NUP133: variants seen among roughly 807,000 people sequenced by gnomAD.
NUP133 encodes nucleoporin 133.
A neutral mutation model predicts 146.2 loss-of-function variants in NUP133; 66 were observed. That is an observed-to-expected ratio of 0.45 (90% CI 0.37 to 0.55). The LOEUF is 0.55. NUP133 is among the 20% of genes least tolerant of loss of function. The pLI is 0.00. For missense variants in NUP133, 1,277 were observed against 1,374.8 expected (o/e 0.93, Z 1.12); for synonymous variants, 521 against 498.8 (o/e 1.04, Z -0.59).
At chr1:229,481,840 C>A (rs1661220013) in intron 12 of NUP133, among the ~76,000 whole-genome samples, 1 of 152,156 alleles carries the variant, frequency 6.6e-6, no homozygotes, top group Admixed American at 6.5e-5. Flanking sequence ...TTTCTCAGAG[C>A]TTTCAGAGGG....
At chr1:229,450,191 C>T (rs1357933239) in intron 23 of NUP133, among the ~76,000 whole-genome samples, 4 of 151,802 alleles carry the variant, frequency 2.6e-5, no homozygotes, top group Non-Finnish European at 5.9e-5. Flanking sequence ...CCACTGCACC[C>T]AGCCAGAATA....
intron 15 of NUP133, among the ~76,000 whole-genome samples, chr1:229,466,997 T>TTTAC (rs35888435): frequency 3.9e-5 from 1 of 25,742 alleles, no homozygotes; most frequent in Non-Finnish European, 7.6e-5. Flanking sequence ...TACTGAGATT[T>TTTAC]TTAAGCGATG....
At chr1:229,461,256 T>C (rs1660684024) in intron 19 of NUP133, among the ~76,000 whole-genome samples, 1 of 151,952 alleles carries the variant, frequency 6.6e-6, no homozygotes, top group South Asian at 2.1e-4. Flanking sequence ...TGGCCTGGCA[T>C]GATACATCAA....
chr1:229,447,983 C>T (rs1354388233), intron 24 of NUP133, among the ~76,000 whole-genome samples: 2 of 152,144 alleles, frequency 1.3e-5, no homozygotes, highest in South Asian at 2.1e-4. Flanking sequence ...CGCCAAAACC[C>T]GCCAAAACCA....
At chr1:229,467,215 T>C (rs1165842703) in intron 15 of NUP133, among the ~76,000 whole-genome samples, 2 of 152,190 alleles carry the variant, frequency 1.3e-5, no homozygotes, top group Non-Finnish European at 2.9e-5. Flanking sequence ...GTAAGCAACA[T>C]AAGAGAATGA....
chr1:229,467,628 A>C (rs1041225992), intron 15 of NUP133, among the ~76,000 whole-genome samples: 2 of 151,882 alleles, frequency 1.3e-5, no homozygotes, highest in Non-Finnish European at 2.9e-5. Context: ...TTAACATGAA[A>C]AACACAATGA....
Position 229,498,116 on chromosome 1 carries a change from T to G in NUP133, c.819+20A>C. 2 of 1,515,910 alleles carry G rather than the reference T, an allele frequency of 1.3e-6. No homozygotes were observed. Among genetic ancestry groups the G allele is most frequent in the Non-Finnish European group, 1.8e-6 (2 of 1,121,758 alleles). The allele number at this position is 1,515,910 out of a possible 1,614,324, so 93.9% of individuals were successfully genotyped here. On this transcript the variant is annotated intron_variant, in intron 6 of 25. Coordinates refer to ENST00000261396, the MANE Select transcript of NUP133 (RefSeq NM_018230.3). ...TTAACTAAGAAATAAGCTTGTAAAA[T>G]AGTTATTTTATAAACTTACTGTGAG...
chr1:229,484,220 C>T (rs1179373739), intron 11 of NUP133, 75 bp from the exon 12 acceptor site: 2 of 1,029,208 alleles, frequency 1.9e-6, no homozygotes, highest in East Asian at 2.4e-5. Context: ...AAACTGCACC[C>T]ATCCTATGAT....
intron 21 of NUP133, among the ~76,000 whole-genome samples, chr1:229,455,897 A>T (rs1272061571): frequency 6.6e-6 from 1 of 152,226 alleles, no homozygotes; most frequent in Admixed American, 6.5e-5. Context: ...TTTCCAAAAC[A>T]TTCACCATAA....
chr1:229,500,860 A>C lies in NUP133; in HGVS notation c.409T>G (p.Ser137Ala). 3 of 1,607,574 alleles carry C rather than the reference A, an allele frequency of 1.9e-6. No individual in the cohort carries two copies. Among genetic ancestry groups the C allele is most frequent in the Non-Finnish European group, 2.6e-6 (3 of 1,175,072 alleles). ...KIALSPITKL[S>A]VCKELQLPPS... ...GGCAGCTGAAGTTCTTTGCAAACGGATAACTGTAGAACAAACCCAAACAGA... is the reference window on the plus strand; with the variant it reads ...GGCAGCTGAAGTTCTTTGCAAACGGCTAACTGTAGAACAAACCCAAACAGA... The change falls in exon 4 of 26, where the codon TCC (serine) becomes GCC (alanine). Residue 137 changes from serine (S) to alanine (A), a missense_variant. This residue lies in a region of NUP133 where 319 missense variants were observed against 306.9 expected (regional missense o/e 1.04). Coordinates refer to ENST00000261396, the MANE Select transcript of NUP133 (RefSeq NM_018230.3).
At chr1:229,461,720 A>G (rs768349840) in intron 19 of NUP133, among the ~76,000 whole-genome samples, 2 of 152,242 alleles carry the variant, frequency 1.3e-5, no homozygotes, top group East Asian at 3.8e-4. Context: ...GTAAGCACAA[A>G]AGGACTTTAA....
At position 229,487,420 on chromosome 1, in the gene NUP133, T is replaced by G. The variant is rs749016765; in HGVS notation, c.1342+46A>C. 61 of 1,572,288 alleles carry G rather than the reference T, an allele frequency of 3.9e-5. No homozygotes were observed. In the East Asian group the frequency reaches 1.2e-3, roughly 30 times the overall value. On this transcript the variant is annotated intron_variant, in intron 10 of 25. Transcript: ENST00000261396. ...GGAAAGAGAAAAAAAGCACTCAGAA[T>G]GACTAATGAGCTCACCAATCATGCT... is the stretch of plus-strand genomic sequence containing the variant.
chr1:229,462,874 A>G (rs1660724225), intron 19 of NUP133, among the ~76,000 whole-genome samples: 1 of 152,106 alleles, frequency 6.6e-6, no homozygotes, highest in Admixed American at 6.6e-5. Flanking sequence ...TTTAAACAGG[A>G]AGCATAATAT....
chr1:229,460,812 A>G (rs1254954613), intron 19 of NUP133, 43 bp from the exon 20 acceptor site: 2 of 1,528,602 alleles, frequency 1.3e-6, no homozygotes, highest in South Asian at 1.2e-5. Context: ...ATAGTTTAAA[A>G]AAACACATTT....
At chr1:229,478,573 T>C (rs1299099146) in intron 12 of NUP133, among the ~76,000 whole-genome samples, 1 of 151,936 alleles carries the variant, frequency 6.6e-6, no homozygotes, top group Non-Finnish European at 1.5e-5. Context: ...GAGCAAGAGT[T>C]TGGAAAAAAC....
chr1:229,476,692 A>G (rs1661080887), intron 13 of NUP133, among the ~76,000 whole-genome samples: 2 of 151,822 alleles, frequency 1.3e-5, no homozygotes, highest in East Asian at 3.9e-4. Flanking sequence ...GGGAGATCAA[A>G]GCGGGTGGAC....
chr1:229,456,509 G>T (rs1660561599), intron 21 of NUP133, among the ~76,000 whole-genome samples: 1 of 152,040 alleles, frequency 6.6e-6, no homozygotes, highest in Non-Finnish European at 1.5e-5. Flanking sequence ...TTGAACAGTG[G>T]GAGCTGTTCA....
intron 21 of NUP133, among the ~76,000 whole-genome samples, chr1:229,452,981 T>A (rs1350592181): frequency 6.6e-6 from 1 of 152,092 alleles, no homozygotes; most frequent in Non-Finnish European, 1.5e-5. Flanking sequence ...TGTGGAGATC[T>A]CTCCATCATA....
At position 229,466,779 on chromosome 1, in the gene NUP133, A is replaced by C. The variant is rs190259739; in HGVS notation, c.2077-23T>G. 1.9e-6 allele frequency: 3 copies of C among 1,612,412 alleles called. No individual in the cohort carries two copies. The East Asian group carries it at 6.7e-5, about 36-fold the overall frequency. On this transcript the variant is annotated intron_variant, in intron 15 of 25. Transcript: ENST00000261396. ...TACCTGAGAGAATACACAGAAGTAA[A>C]CTACTTACAACAAAAATTATGGTGA...
Sources: allele counts gnomAD v4.1 joint callset (sites outside exome capture counted in the v4.1 genomes callset), GRCh38; gene constraint gnomAD v4.1.1; regional missense constraint gnomAD v4.1.1; transcripts MANE v1.5; gene names NCBI Gene and HGNC (gene_info 2026-07-23, HGNC 2026-07-21).